Variants in IGFBP2 observed in about 807,000 individuals in gnomAD.
IGFBP2 encodes insulin-like growth factor-binding protein 2.
Under a neutral mutation model 26.2 loss-of-function variants are expected in IGFBP2, and 12 were observed. That is an observed-to-expected ratio of 0.46 (90% CI 0.29 to 0.74). The LOEUF (loss-of-function observed/expected upper bound fraction) is 0.74, where lower values mean the gene tolerates loss of function less well. IGFBP2 is among the 30% of genes least tolerant of loss of function. The pLI is 0.09. For synonymous variants in IGFBP2, 189 were observed against 200.6 expected (o/e 0.94, Z 0.49); for missense variants, 328 against 441.2 (o/e 0.74, Z 2.30).
At chr2:216,634,977 G>A (rs758933674) in intron 1 of IGFBP2, among the ~76,000 whole-genome samples, 6 of 147,746 alleles carry the variant, frequency 4.1e-5, no homozygotes, top group Non-Finnish European at 7.4e-5. Context: ...TGGAGACAGT[G>A]GTGAAATGTG....
chr2:216,637,400 G>A (rs1015356338), intron 1 of IGFBP2, among the ~76,000 whole-genome samples: 5 of 152,230 alleles, frequency 3.3e-5, no homozygotes, highest in African/African-American at 1.2e-4. Context: ...GGACCAGTGA[G>A]GCAAGTGGTG....
intron 1 of IGFBP2, among the ~76,000 whole-genome samples, chr2:216,636,967 C>T (rs1393439709): frequency 6.6e-6 from 1 of 151,326 alleles, no homozygotes. Flanking sequence ...GGAGGCTCTG[C>T]ATCTGCAGTT....
intron 1 of IGFBP2, among the ~76,000 whole-genome samples, chr2:216,644,774 G>C (rs974480986): frequency 6.6e-6 from 1 of 152,116 alleles, no homozygotes; most frequent in Non-Finnish European, 1.5e-5. Context: ...CCCCAGCTCT[G>C]TTTTAGCCTC....
chr2:216,653,725 C>T (rs1025355298), intron 1 of IGFBP2, among the ~76,000 whole-genome samples: 2 of 152,154 alleles, frequency 1.3e-5, no homozygotes, highest in East Asian at 3.9e-4. Flanking sequence ...GGGAGTTCTC[C>T]CCTGCCCTTC....
chr2:216,662,011 C>A lies in IGFBP2; in HGVS notation c.813+13C>A. The A allele has an allele frequency of 6.2e-7, 1 of 1,613,270 alleles. No homozygotes were observed. The highest frequency in any genetic ancestry group is 8.5e-7 in the Non-Finnish European group (1 of 1,179,508). On this transcript the variant is annotated intron_variant, in intron 3 of 3. Transcript: ENST00000233809. ...CAACCTCAAACAGGTGAGCATGGTG[C>A]CAGCCTGGGCCAGAGCAGCTCCTCC...
At chr2:216,644,219 C>A (rs1697667505) in intron 1 of IGFBP2, among the ~76,000 whole-genome samples, 2 of 152,054 alleles carry the variant, frequency 1.3e-5, no homozygotes, top group South Asian at 4.1e-4. Context: ...TCTTTGGGGC[C>A]CTTCTGGCTG....
rs182356938 is a variant in IGFBP2 at position 216,656,668 on chromosome 2, C to T, written c.443-3889C>T. 3.4e-3 allele frequency among the ~76,000 whole-genome samples: 514 copies of T among 152,146 alleles called. 3 individuals are homozygous for T. The highest frequency in any genetic ancestry group is 5.4e-3 in the Non-Finnish European group (369 of 67,990). On this transcript the variant is annotated intron_variant, in intron 1 of 3. Transcript: ENST00000233809. ...ATTGAGTTCGGGTGAGCGGCTCCTT[C>T]CCAGAAGCTCATGGATAGAGGTACA...
chr2:216,656,037 A>G (rs1157081322), intron 1 of IGFBP2, among the ~76,000 whole-genome samples: 2 of 152,094 alleles, frequency 1.3e-5, no homozygotes, highest in Non-Finnish European at 2.9e-5. Flanking sequence ...AATATGTCCT[A>G]GGCACTGTGC....
chr2:216,650,529 G>A (rs1697798799), intron 1 of IGFBP2, among the ~76,000 whole-genome samples: 1 of 152,220 alleles, frequency 6.6e-6, no homozygotes. Flanking sequence ...CCTTGGTGGT[G>A]CATCATCTCC....
Position 216,664,345 on chromosome 2 carries a change from G to T in IGFBP2, c.*241G>T. ...GGAGGAAGGGGGTTGTGGTCGGGGAGCTGGGGTACAGGTTTGGGGAGGGGG... is the reference window on the plus strand; with the variant it reads ...GGAGGAAGGGGGTTGTGGTCGGGGATCTGGGGTACAGGTTTGGGGAGGGGG... On this transcript the variant is annotated 3_prime_UTR_variant, in exon 4 of 4. Coordinates refer to ENST00000233809, the MANE Select transcript of IGFBP2 (RefSeq NM_000597.3). The surrounding 1 kb of genome is among the most constrained non-coding windows in gnomAD (Gnocchi z 4.6). 2.5e-6 allele frequency: 1 copy of T among 403,186 alleles called. No individual in the cohort carries two copies. 25.0% of individuals were successfully genotyped at this position (403,186 alleles called of 1,614,324 possible). A position where few individuals can be genotyped will look rare whatever the true frequency, so the allele number is the denominator to read the frequency against.
intron 3 of IGFBP2, 135 bp from the exon 4 acceptor site, chr2:216,663,805 A>G: frequency 1.2e-6 from 1 of 805,668 alleles, no homozygotes; most frequent in South Asian, 2.1e-5. Flanking sequence ...CCTGGCGCAT[A>G]TTTGAAGTTG....
At chr2:216,657,425 C>T (rs1391587192) in intron 1 of IGFBP2, among the ~76,000 whole-genome samples, 1 of 152,178 alleles carries the variant, frequency 6.6e-6, no homozygotes, top group East Asian at 1.9e-4. Flanking sequence ...TCTCTTTCAC[C>T]CTTTTGTTTC....
At position 216,633,884 on chromosome 2, in the gene IGFBP2, C is replaced by T; in HGVS notation, c.361C>T (p.Leu121=). The T allele has an allele frequency of 6.3e-7, 1 of 1,586,950 alleles. No individual in the cohort carries two copies. Among genetic ancestry groups the T allele is most frequent in the Non-Finnish European group, 8.6e-7 (1 of 1,169,414 alleles). ...TCCCCACCCGGGCTCCGAGCTGCCC[C>T]TGCAGGCGCTGGTCATGGGCGAGGG... ...CYPHPGSELP[L]QALVMGEGTC... is the part of the protein sequence containing the mutation. The change falls in exon 1 of 4, where the codon CTG becomes TTG. Residue 121 remains leucine, a synonymous_variant. Transcript: ENST00000233809.
At chr2:216,642,161 G>A (rs1697629014) in intron 1 of IGFBP2, among the ~76,000 whole-genome samples, 1 of 148,072 alleles carries the variant, frequency 6.8e-6, no homozygotes, top group Non-Finnish European at 1.5e-5. Flanking sequence ...ACCACGCCCA[G>A]CTAATTTTTT....
At position 216,649,834 on chromosome 2, in the gene IGFBP2, T is replaced by A. The variant is rs72547228; in HGVS notation, c.443-10723T>A. ...GAGGCTCTGGAGAGGCTGTGCTGTT[T>A]CTGTTCACTCGGGGGGAGCCCGAGA... is the stretch of plus-strand genomic sequence containing the variant. On this transcript the variant is annotated intron_variant, in intron 1 of 3. Coordinates refer to ENST00000233809, the MANE Select transcript of IGFBP2 (RefSeq NM_000597.3). 7.7e-3 allele frequency among the ~76,000 whole-genome samples: 1,168 copies of A among 152,216 alleles called. 18 individuals are homozygous for A. Among genetic ancestry groups the A allele is most frequent in the African/African-American group, 0.028 (1,145 of 41,532 alleles).
chr2:216,653,775 C>T (rs967209390), intron 1 of IGFBP2, among the ~76,000 whole-genome samples: 1 of 152,176 alleles, frequency 6.6e-6, no homozygotes, highest in Admixed American at 6.5e-5. Context: ...CTGTCATCTC[C>T]CTGACTTCTC....
chr2:216,647,573 G>T (rs1697734240), intron 1 of IGFBP2, among the ~76,000 whole-genome samples: 2 of 152,196 alleles, frequency 1.3e-5, no homozygotes, highest in African/African-American at 4.8e-5. Context: ...AGGCTGGAGT[G>T]CAGTGGCGTG....
chr2:216,651,192 G>GA (rs1160910145), intron 1 of IGFBP2, among the ~76,000 whole-genome samples: 1 of 152,096 alleles, frequency 6.6e-6, no homozygotes, highest in Non-Finnish European at 1.5e-5. Context: ...GTAACAAATA[G>GA]AACCCCCATT....
chr2:216,657,851 A>G (rs1469271367), intron 1 of IGFBP2, among the ~76,000 whole-genome samples: 1 of 152,328 alleles, frequency 6.6e-6, no homozygotes, highest in Admixed American at 6.5e-5. Context: ...TGTGGGAATA[A>G]CCATTCTAAA....
Sources: allele counts gnomAD v4.1 joint callset (sites outside exome capture counted in the v4.1 genomes callset), GRCh38; gene constraint gnomAD v4.1.1; non-coding constraint Gnocchi (gnomAD v3.1); transcripts MANE v1.5; gene names NCBI Gene and HGNC (gene_info 2026-07-23, HGNC 2026-07-21).